Variants in KALRN observed in about 807,000 individuals in gnomAD.
The protein encoded by KALRN is kalirin RhoGEF kinase.
In KALRN, 70 loss-of-function variants were observed where a neutral mutation model predicts 353.7. The observed-to-expected ratio is 0.20, with a 90% CI of 0.16 to 0.24. The LOEUF (loss-of-function observed/expected upper bound fraction) is 0.24, where lower values mean the gene tolerates loss of function less well. Ranked by LOEUF, KALRN falls within the 10% of genes least tolerant of loss-of-function variation. The pLI, the probability that KALRN is intolerant of heterozygous loss-of-function variation, is 1.00. For missense variants in KALRN, 2,791 were observed against 3,756.7 expected (o/e 0.74, Z 6.72); for synonymous variants, 1,391 against 1,434.8 (o/e 0.97, Z 0.69).
intron 47 of KALRN, among the ~76,000 whole-genome samples, chr3:124,667,858 G>C (rs189640845): frequency 7.9e-5 from 12 of 152,068 alleles, no homozygotes; most frequent in African/African-American, 2.9e-4. Context: ...CCCTGCTGGG[G>C]TTTTCTTCAC....
intron 5 of KALRN, 92 bp downstream of exon 5, chr3:124,269,347 T>C (rs2073905469): frequency 2.2e-6 from 3 of 1,379,096 alleles, no homozygotes. Context: ...AGTACTTTCC[T>C]GGAAAGCTTT....
chr3:124,503,052 TG>T (rs919282966), intron 33 of KALRN, among the ~76,000 whole-genome samples: 18 of 151,958 alleles, frequency 1.2e-4, no homozygotes, highest in Admixed American at 7.9e-4. Flanking sequence ...GCAGGAAAAA[TG>T]GGATAGGTCT....
intron 35 of KALRN, 100 bp downstream of exon 35, chr3:124,632,803 G>T: frequency 9.0e-7 from 1 of 1,111,804 alleles, no homozygotes. Flanking sequence ...CTCCATTAGT[G>T]TGTTACCTTG....
chr3:124,276,669 T>A (rs1257888476), intron 5 of KALRN, among the ~76,000 whole-genome samples: 3 of 152,212 alleles, frequency 2.0e-5, no homozygotes, highest in Non-Finnish European at 4.4e-5. Flanking sequence ...TTCAAAGTAT[T>A]TTCACACCCA....
At chr3:124,047,158 C>T (rs1363027173) in intron 1 of KALRN, among the ~76,000 whole-genome samples, 2 of 152,110 alleles carry the variant, frequency 1.3e-5, no homozygotes, top group East Asian at 3.9e-4. Context: ...ATTCACTCTT[C>T]TTTTAGAAAG....
rs371078816 is a variant in KALRN, at chr3:124,410,244, T to A, written c.2347-3226T>A. 5 of 533,200 alleles carry A rather than the reference T, an allele frequency of 9.4e-6. No homozygotes were observed. The African/African-American group carries it at 9.6e-5, about 10-fold the overall frequency. 33.0% of individuals were successfully genotyped at this position (533,200 alleles called of 1,614,324 possible). A position where few individuals can be genotyped will look rare whatever the true frequency, so the allele number is the denominator to read the frequency against. On this transcript the variant is annotated intron_variant, in intron 13 of 59. Transcript: ENST00000682506. Reference sequence around the variant, plus strand: ...ACCTTCCACTCCATAGATTCCTGGCTATGGGACTCCTTGGATCTTCCTGCA... The same window carrying A: ...ACCTTCCACTCCATAGATTCCTGGCAATGGGACTCCTTGGATCTTCCTGCA...
At chr3:124,473,349 G>T (rs370640851) in intron 25 of KALRN, among the ~76,000 whole-genome samples, 2 of 151,358 alleles carry the variant, frequency 1.3e-5, no homozygotes, top group East Asian at 3.9e-4. Flanking sequence ...TGAAGGTAAT[G>T]TATTGTCACA....
intron 1 of KALRN, among the ~76,000 whole-genome samples, chr3:124,089,758 T>C (rs1282769585): frequency 1.3e-5 from 2 of 151,276 alleles, no homozygotes. Flanking sequence ...GGATGGAAGG[T>C]GCACCAGCTT....
rs144599449 is a variant in KALRN, at chr3:124,472,244, G to C, written c.4032-2419G>C. ...TGTTTACTTCAAATTAAAGTGACCA[G>C]GCCAATTATCCTTGGGTCATAAGTC... On this transcript the variant is annotated intron_variant, in intron 25 of 59. Coordinates refer to ENST00000682506, the MANE Select transcript of KALRN (RefSeq NM_001388419.1). Among the ~76,000 whole-genome samples the C allele has an allele frequency of 2.5e-3, 386 of 152,226 alleles. 3 individuals are homozygous for C. Among genetic ancestry groups the C allele is most frequent in the Non-Finnish European group, 3.6e-3 (242 of 68,028 alleles).
At position 124,597,870 on chromosome 3, in the gene KALRN, T is replaced by G. The variant is rs562580854; in HGVS notation, c.5183-34550T>G. Among the ~76,000 whole-genome samples, 11 of 152,362 alleles carry G rather than the reference T, an allele frequency of 7.2e-5. No individual in the cohort carries two copies. The South Asian group carries it at 2.3e-3, about 32-fold the overall frequency. ...CTGTTTGTTTCTACTTTATAATAAT[T>G]AGTGAAATGATTCCATTCTATCTGT... On this transcript the variant is annotated intron_variant, in intron 34 of 59. Transcript: ENST00000682506.
At chr3:124,307,849 C>T (rs947639301) in intron 6 of KALRN, among the ~76,000 whole-genome samples, 5 of 151,870 alleles carry the variant, frequency 3.3e-5, no homozygotes. Context: ...AACCAAGATC[C>T]AGTTAGTAAC....
chr3:124,147,056 T>C (rs1355449233), intron 1 of KALRN, among the ~76,000 whole-genome samples: 2 of 152,102 alleles, frequency 1.3e-5, no homozygotes, highest in African/African-American at 4.8e-5. Flanking sequence ...TTTACAAAAC[T>C]ATGTGAGATA....
chr3:124,646,701 T>C (rs1293584397), intron 37 of KALRN, among the ~76,000 whole-genome samples: 1 of 20,880 alleles, frequency 4.8e-5, no homozygotes, highest in African/African-American at 3.4e-4. Context: ...TCTTTTCCAT[T>C]TTTTTTTTTT....
At chr3:124,223,262 C>G (rs1054186237) in intron 1 of KALRN, among the ~76,000 whole-genome samples, 2 of 152,030 alleles carry the variant, frequency 1.3e-5, no homozygotes, top group African/African-American at 2.4e-5. Context: ...AAATAATGAC[C>G]TTAGGAATAG....
At chr3:124,412,909 G>A (rs960084114) in intron 13 of KALRN, among the ~76,000 whole-genome samples, 12 of 152,196 alleles carry the variant, frequency 7.9e-5, no homozygotes, top group Admixed American at 5.9e-4. Flanking sequence ...TTAACTGATT[G>A]TGTAACTTTG....
At chr3:124,108,235 A>G (rs867555210) in intron 1 of KALRN, among the ~76,000 whole-genome samples, 5 of 152,124 alleles carry the variant, frequency 3.3e-5, no homozygotes, top group African/African-American at 1.2e-4. Context: ...ATAAGACCCA[A>G]CTGGGTACTC....
intron 1 of KALRN, among the ~76,000 whole-genome samples, chr3:124,146,314 G>T (rs1403495010): frequency 6.6e-6 from 1 of 152,178 alleles, no homozygotes; most frequent in African/African-American, 2.4e-5. Flanking sequence ...ATAGCAATTT[G>T]CCAGAGTAAT....
At chr3:124,551,205 A>G (rs1176031695) in intron 33 of KALRN, among the ~76,000 whole-genome samples, 1 of 152,156 alleles carries the variant, frequency 6.6e-6, no homozygotes, top group Non-Finnish European at 1.5e-5. Flanking sequence ...CCAACCAACA[A>G]TAGCAGATGG....
At chr3:124,407,411 A>G (rs554684244) in intron 13 of KALRN, among the ~76,000 whole-genome samples, 16 of 152,058 alleles carry the variant, frequency 1.1e-4, no homozygotes, top group African/African-American at 2.7e-4. Flanking sequence ...TTACTGAGTC[A>G]TATTAGGAGA....
Sources: gnomAD v4.1 joint callset for allele counts (sites outside exome capture counted in the v4.1 genomes callset) on GRCh38, gnomAD v4.1.1 for gene constraint, MANE v1.5 for transcripts, NCBI Gene and HGNC (gene_info 2026-07-23, HGNC 2026-07-21) for gene names.